The following CDIN1 variants were observed in gnomAD, a reference collection of about 807,000 sequenced individuals.
CDIN1 encodes CDAN1-interacting nuclease 1.
Under a neutral mutation model 45.3 loss-of-function variants are expected in CDIN1, and 33 were observed. The ratio of observed to expected loss-of-function variants is 0.73; its 90% CI spans 0.55 to 0.97. The LOEUF (loss-of-function observed/expected upper bound fraction) is 0.97. CDIN1 is among the 50% of genes least tolerant of loss of function. CDIN1 has a pLI of 0.00. For synonymous variants in CDIN1, 118 were observed against 124.4 expected (o/e 0.95, Z 0.34); for missense variants, 303 against 339.4 (o/e 0.89, Z 0.84).
chr15:36,787,270 C>A (rs1370220965), intron 10 of CDIN1, among the ~76,000 whole-genome samples: 1 of 152,048 alleles, frequency 6.6e-6, no homozygotes, highest in African/African-American at 2.4e-5. Context: ...ATCTTATATC[C>A]TTCTTCTCAT....
At chr15:36,743,175 G>A (rs1011535333) in intron 10 of CDIN1, among the ~76,000 whole-genome samples, 12 of 152,116 alleles carry the variant, frequency 7.9e-5, no homozygotes, top group South Asian at 2.1e-4. Flanking sequence ...AAATCACTTC[G>A]GCAGTGGGAA....
intron 8 of CDIN1, among the ~76,000 whole-genome samples, chr15:36,701,101 GATA>G (rs1404607073): frequency 3.0e-3 from 256 of 84,670 alleles, no homozygotes; most frequent in African/African-American, 0.012. Flanking sequence ...TAGGTAGGTA[GATA>G]GATAGATAGA....
At chr15:36,732,028 T>G (rs536236821) in intron 10 of CDIN1, among the ~76,000 whole-genome samples, 1 of 152,300 alleles carries the variant, frequency 6.6e-6, no homozygotes, top group South Asian at 2.1e-4. Flanking sequence ...ATTTTATGAA[T>G]GATTATCACA....
intron 5 of CDIN1, among the ~76,000 whole-genome samples, chr15:36,664,418 G>A (rs994893459): frequency 1.4e-4 from 21 of 152,308 alleles, no homozygotes; most frequent in East Asian, 5.8e-4. Context: ...AATTATTAAT[G>A]ATTAAATTTT....
chr15:36,786,326 CT>C (rs1323461222), intron 10 of CDIN1, among the ~76,000 whole-genome samples: 1 of 152,176 alleles, frequency 6.6e-6, no homozygotes, highest in Non-Finnish European at 1.5e-5. Context: ...CCTTCTAACT[CT>C]ATTAAGAATG....
intron 10 of CDIN1, among the ~76,000 whole-genome samples, chr15:36,722,473 G>A (rs961125469): frequency 5.9e-5 from 9 of 152,134 alleles, no homozygotes; most frequent in African/African-American, 9.7e-5. Context: ...ATAAGCATAC[G>A]GTTGTTAGAA....
At chr15:36,772,721 A>ATTTCTCTAGTTTT (rs2054109835) in intron 10 of CDIN1, among the ~76,000 whole-genome samples, 1 of 152,166 alleles carries the variant, frequency 6.6e-6, no homozygotes, top group South Asian at 2.1e-4. Flanking sequence ...TTGCTGTCAG[A>ATTTCTCTAGTTTT]GGGTGACCTT....
chr15:36,599,765 G>T (rs1057008654), intron 1 of CDIN1, among the ~76,000 whole-genome samples: 2 of 152,204 alleles, frequency 1.3e-5, no homozygotes, highest in African/African-American at 4.8e-5. Flanking sequence ...TGTTCTGACA[G>T]TGATCCAGGG....
chr15:36,647,886 C>T (rs1330911401), intron 3 of CDIN1, among the ~76,000 whole-genome samples: 1 of 141,332 alleles, frequency 7.1e-6, no homozygotes, highest in Non-Finnish European at 1.5e-5. Flanking sequence ...GTCGCCCAGG[C>T]TGGAGCACAG....
intron 1 of CDIN1, chr15:36,618,081 C>T: frequency 1.3e-6 from 1 of 744,030 alleles, no homozygotes; most frequent in South Asian, 1.4e-5. Context: ...CCAAATCCTA[C>T]ACCTTACTTT....
intron 10 of CDIN1, among the ~76,000 whole-genome samples, chr15:36,745,550 TTATTA>T (rs1432325104): frequency 1.8e-4 from 27 of 152,298 alleles, no homozygotes; most frequent in African/African-American, 6.5e-4. Context: ...ATCTGTAATA[TTATTA>T]TATTATTGAT....
At chr15:36,662,400 C>T (rs2041050064) in intron 5 of CDIN1, among the ~76,000 whole-genome samples, 1 of 152,012 alleles carries the variant, frequency 6.6e-6, no homozygotes, top group Non-Finnish European at 1.5e-5. Flanking sequence ...TTTGAATGAG[C>T]TTAATTTTAG....
chr15:36,790,691 G>T (rs2054621782), intron 10 of CDIN1, among the ~76,000 whole-genome samples: 1 of 152,110 alleles, frequency 6.6e-6, no homozygotes, highest in Non-Finnish European at 1.5e-5. Context: ...AGGTTGAGAT[G>T]ACCAATTTAA....
chr15:36,654,513 CAA>C (rs35679788), intron 4 of CDIN1, among the ~76,000 whole-genome samples: 2 of 95,298 alleles, frequency 2.1e-5, no homozygotes, highest in Non-Finnish European at 2.1e-5. Context: ...AGATGGATGC[CAA>C]AAAAAAAAAA....
At chr15:36,706,782 C>T (rs1251181185) in intron 8 of CDIN1, 7 of 152,060 alleles carry the variant, frequency 4.6e-5, no homozygotes, top group Non-Finnish European at 8.8e-5. Context: ...CCAATAAAAC[C>T]TTGAACTTTG....
intron 10 of CDIN1, among the ~76,000 whole-genome samples, chr15:36,731,230 A>G (rs1750686511): frequency 1.3e-5 from 2 of 152,130 alleles, no homozygotes; most frequent in African/African-American, 2.4e-5. Flanking sequence ...AAAATGCCTC[A>G]TTTATCACTC....
At chr15:36,734,445 C>A in intron 10 of CDIN1, 1 of 380,452 alleles carries the variant, frequency 2.6e-6, no homozygotes, top group Non-Finnish European at 5.1e-6. Flanking sequence ...TGAGTTCAGT[C>A]CTAAAGCTTA....
chr15:36,722,303 A>ATCTCTCTCTCTCTCTCTCTCTCTC lies in CDIN1; in HGVS notation c.716+12355_716+12378dup, dbSNP rs5811928. The stretch of plus-strand genomic sequence containing the variant: ...GTCCTTCAGGTTACTTTCTTTTGAG[A>ATCTCTCTCTCTCTCTCTCTCTCTC]TCTCTCTCTCTCTCTCTCTCTCTCT... On this transcript the variant is annotated intron_variant, in intron 10 of 10. Coordinates refer to ENST00000566621, the MANE Select transcript of CDIN1 (RefSeq NM_001321759.2). 2.0e-4 allele frequency among the ~76,000 whole-genome samples: 28 copies of ATCTCTCTCTCTCTCTCTCTCTCTC among 140,770 alleles called. 2 individuals carry two copies. The highest frequency in any genetic ancestry group is 7.2e-4 in the African/African-American group (26 of 36,106). The allele number at this position is 140,770 out of a possible 152,430, so 92.4% of individuals were successfully genotyped here. A position where few individuals can be genotyped will look rare whatever the true frequency, so the allele number is the denominator to read the frequency against.
intron 10 of CDIN1, among the ~76,000 whole-genome samples, chr15:36,789,748 T>C (rs2054597327): frequency 6.6e-6 from 1 of 152,198 alleles, no homozygotes; most frequent in Non-Finnish European, 1.5e-5. Flanking sequence ...ATTTCCATCC[T>C]CTTCTGAAAT....
Sources: gnomAD v4.1 joint callset for allele counts (sites outside exome capture counted in the v4.1 genomes callset) on GRCh38, gnomAD v4.1.1 for gene constraint, MANE v1.5 for transcripts, NCBI Gene and HGNC (gene_info 2026-07-23, HGNC 2026-07-21) for gene names.